STXBP3: variants seen among roughly 807,000 people sequenced by gnomAD.
The protein encoded by STXBP3 is syntaxin binding protein 3.
In STXBP3, 41 loss-of-function variants were observed where a neutral mutation model predicts 85.7. That is an observed-to-expected ratio of 0.48 (90% CI 0.37 to 0.62). The LOEUF is 0.62. Ranked by LOEUF, STXBP3 falls within the 20% of genes least tolerant of loss-of-function variation. The pLI is 0.00. For missense variants in STXBP3, 563 were observed against 703.1 expected, an observed-to-expected ratio of 0.80 and a Z score of 2.25; for synonymous variants, 229 against 231.7, an observed-to-expected ratio of 0.99 and a Z score of 0.10.
intron 3 of STXBP3, among the ~76,000 whole-genome samples, chr1:108,755,008 A>G (rs1311576201): frequency 6.6e-6 from 1 of 152,146 alleles, no homozygotes; most frequent in Non-Finnish European, 1.5e-5. Context: ...TGGCAGGTTC[A>G]GCAGTCAAAC....
At chr1:108,789,062 TA>T (rs1007459357) in intron 11 of STXBP3, among the ~76,000 whole-genome samples, 2 of 151,404 alleles carry the variant, frequency 1.3e-5, no homozygotes, top group Admixed American at 6.6e-5. Flanking sequence ...AGACTCCATG[TA>T]AAAAAAAATA....
intron 11 of STXBP3, among the ~76,000 whole-genome samples, chr1:108,783,147 T>C (rs1401271265): frequency 6.6e-6 from 1 of 152,212 alleles, no homozygotes; most frequent in Non-Finnish European, 1.5e-5. Flanking sequence ...ACTTTGGTGC[T>C]GGGATTACAG....
chr1:108,758,600 A>T lies in STXBP3; in HGVS notation c.337+12A>T, dbSNP rs1662067465. 2.8e-6 allele frequency: 4 copies of T among 1,432,170 alleles called. No individual in the cohort carries two copies. The highest frequency in any genetic ancestry group is 3.8e-6 in the Non-Finnish European group (4 of 1,065,108). The allele number at this position is 1,432,170 out of a possible 1,614,324, so 88.7% of individuals were successfully genotyped here. A position where few individuals can be genotyped will look rare whatever the true frequency, so the allele number is the denominator to read the frequency against. ...TTACTTCACTGACTGTAAGTCTTTT[A>T]AAAAGTTATTGCTTCATTGTTCAAA... On this transcript the variant is annotated intron_variant, in intron 5 of 18. Coordinates refer to ENST00000370008, the MANE Select transcript of STXBP3 (RefSeq NM_007269.4).
At chr1:108,794,113 T>G (rs1383192612) in intron 12 of STXBP3, among the ~76,000 whole-genome samples, 3 of 152,248 alleles carry the variant, frequency 2.0e-5, no homozygotes, top group Non-Finnish European at 4.4e-5. Context: ...TTTTTGTGTG[T>G]GTTAAAATAC....
chr1:108,788,173 A>G (rs1372954204), intron 11 of STXBP3, among the ~76,000 whole-genome samples: 1 of 151,996 alleles, frequency 6.6e-6, no homozygotes, highest in South Asian at 2.1e-4. Flanking sequence ...TTTCCCCTTT[A>G]TTCTGTTAAT....
chr1:108,782,709 A>G lies in STXBP3; in HGVS notation c.963+3A>G, dbSNP rs769580046. 9 of 1,601,464 alleles carry G rather than the reference A, an allele frequency of 5.6e-6. No individual in the cohort carries two copies. The highest frequency in any genetic ancestry group is 7.7e-6 in the Non-Finnish European group (9 of 1,175,796). On this transcript the variant is annotated splice_donor_region_variant and intron_variant, in intron 11 of 18. Coordinates refer to ENST00000370008, the MANE Select transcript of STXBP3 (RefSeq NM_007269.4). ...CAAAGAAAGCAACAGAAGGAAAGGT[A>G]AGAGTCTTACTTAACTTTCAAAGTA...
At chr1:108,792,221 A>C (rs1488291684) in intron 11 of STXBP3, among the ~76,000 whole-genome samples, 1 of 152,152 alleles carries the variant, frequency 6.6e-6, no homozygotes, top group African/African-American at 2.4e-5. Context: ...TCTCTGTTAA[A>C]ATACTCCATC....
intron 1 of STXBP3, among the ~76,000 whole-genome samples, chr1:108,752,031 C>T (rs925587933): frequency 6.6e-6 from 1 of 151,878 alleles, no homozygotes; most frequent in African/African-American, 2.4e-5. Context: ...AATATATTAA[C>T]CCTTTTTATA....
intron 7 of STXBP3, 103 bp downstream of exon 7, chr1:108,772,922 T>G: frequency 8.7e-7 from 1 of 1,145,284 alleles, no homozygotes. Flanking sequence ...CAAAATTTAT[T>G]TTCTTTGTAT....
In STXBP3 at chr1:108,746,726, A is replaced by G. The variant is rs200067017; in HGVS notation, c.-12A>G. ...TGGAAGGTGGTGGCTGCTGCTCCGC[A>G]GTGTCGGGAAGATGGCGCCGCCGGT... is the stretch of plus-strand genomic sequence containing the variant. On this transcript the variant is annotated 5_prime_UTR_variant, in exon 1 of 19. Transcript: ENST00000370008. The G allele has an allele frequency of 5.2e-6, 8 of 1,548,900 alleles. No homozygotes were observed. Among genetic ancestry groups the G allele is most frequent in the Non-Finnish European group, 7.0e-6 (8 of 1,145,888 alleles).
chr1:108,799,310 T>A (rs530304748), intron 16 of STXBP3, among the ~76,000 whole-genome samples: 1 of 152,352 alleles, frequency 6.6e-6, no homozygotes, highest in East Asian at 1.9e-4. Flanking sequence ...AGGGATGATA[T>A]AGAACTAAGT....
intron 11 of STXBP3, among the ~76,000 whole-genome samples, chr1:108,784,251 C>T (rs949025688): frequency 6.6e-6 from 1 of 152,158 alleles, no homozygotes; most frequent in African/African-American, 2.4e-5. Context: ...AGTCCATTCT[C>T]ACACTGCCAT....
At chr1:108,803,094 ACTTTT>A (rs1205369974) in intron 17 of STXBP3, among the ~76,000 whole-genome samples, 3 of 152,124 alleles carry the variant, frequency 2.0e-5, no homozygotes, top group Admixed American at 6.5e-5. Context: ...TGGACTGAGG[ACTTTT>A]CTTTACTTTT....
At chr1:108,746,818 G>A (rs1455738066) in intron 1 of STXBP3, 32 bp downstream of exon 1, 2 of 1,545,530 alleles carry the variant, frequency 1.3e-6, no homozygotes, top group African/African-American at 2.8e-5. Context: ...TTGAGAGAGG[G>A]AAGGCCGGGA....
intron 6 of STXBP3, chr1:108,766,965 A>G: frequency 1.9e-6 from 1 of 528,496 alleles, no homozygotes; most frequent in African/African-American, 1.9e-5. Flanking sequence ...ATTGATCCAT[A>G]CTGTTGCTTT....
At chr1:108,765,366 C>G (rs1662238045) in intron 6 of STXBP3, among the ~76,000 whole-genome samples, 1 of 152,192 alleles carries the variant, frequency 6.6e-6, no homozygotes, top group Non-Finnish European at 1.5e-5. Flanking sequence ...GAATTTTCCT[C>G]TTATGGATCC....
chr1:108,758,612 C>T, intron 5 of STXBP3, 24 bp downstream of exon 5: 1 of 1,364,606 alleles, frequency 7.3e-7, no homozygotes. Flanking sequence ...AAAGTTATTG[C>T]TTCATTGTTC....
chr1:108,782,353 G>T, intron 9 of STXBP3, 69 bp from the exon 10 acceptor site: 1 of 1,183,524 alleles, frequency 8.4e-7, no homozygotes, highest in East Asian at 2.4e-5. Flanking sequence ...ATTATTGTTT[G>T]TAAAAATGTT....
intron 6 of STXBP3, among the ~76,000 whole-genome samples, chr1:108,767,809 A>G (rs1434489368): frequency 1.3e-5 from 2 of 151,322 alleles, no homozygotes; most frequent in Admixed American, 1.3e-4. Context: ...ATGATCTAGA[A>G]CTCCTGAGCT....
Sources: gnomAD v4.1 joint callset for allele counts (sites outside exome capture counted in the v4.1 genomes callset) on GRCh38, gnomAD v4.1.1 for gene constraint, MANE v1.5 for transcripts, NCBI Gene and HGNC (gene_info 2026-07-23, HGNC 2026-07-21) for gene names.